The following DSG2 variants were observed in gnomAD, a reference collection of about 807,000 sequenced individuals.
DSG2 encodes desmoglein 2, also known as desmoglein-2.
In DSG2, 45 loss-of-function variants were observed where a neutral mutation model predicts 75.6. That is an observed-to-expected ratio of 0.60 (90% CI 0.47 to 0.76). The LOEUF (loss-of-function observed/expected upper bound fraction) is 0.76, where lower values mean the gene tolerates loss of function less well. Among genes scored for constraint, DSG2 ranks in the 30% least tolerant of loss-of-function variants. The pLI, the probability that DSG2 is intolerant of heterozygous loss-of-function variation, is 0.00. For synonymous variants in DSG2, 429 were observed against 483.9 expected (o/e 0.89, Z 1.49); for missense variants, 1,267 against 1,357.4 (o/e 0.93, Z 1.05).
rs2073250266 is a variant in DSG2 at position 31,539,045 on chromosome 18, T to G, written c.1879+67T>G. 2.1e-6 allele frequency: 3 copies of G among 1,431,108 alleles called. No homozygotes were observed. In the South Asian group the frequency reaches 3.4e-5, roughly 16 times the overall value. The allele number at this position is 1,431,108 out of a possible 1,614,324, so 88.7% of individuals were successfully genotyped here. A position where few individuals can be genotyped will look rare whatever the true frequency, so the allele number is the denominator to read the frequency against. On this transcript the variant is annotated intron_variant, in intron 12 of 14. Transcript: ENST00000261590. ...GAGTGCACTCCTGGAGATGTGTTAC[T>G]ATGGTAGTCATTGATTTCTTCACAG...
At chr18:31,513,148 A>G (rs1177432034) in intron 1 of DSG2, among the ~76,000 whole-genome samples, 1 of 152,248 alleles carries the variant, frequency 6.6e-6, no homozygotes, top group Non-Finnish European at 1.5e-5. Context: ...ACTAGGTTAA[A>G]GAAAAGAATG....
rs1598826629 is a variant in DSG2, at chr18:31,545,971, G to C, written c.2585G>C (p.Ser862Thr). 1 of 1,614,166 alleles carries C rather than the reference G, an allele frequency of 6.2e-7. No individual in the cohort carries two copies. The highest frequency in any genetic ancestry group is 8.5e-7 in the Non-Finnish European group (1 of 1,180,030). Residue 862 changes from serine to threonine, a missense_variant, in exon 15 of 15, where the codon AGT becomes ACT. Coordinates refer to ENST00000261590, the MANE Select transcript of DSG2 (RefSeq NM_001943.5). ...EQRQKPATET[S>T]MNTASHSLCE... ...AGACAAAAACCTGCCACAGAAACAA[G>C]TATGAACACAGCTTCACATTCACTC...
At chr18:31,542,176 A>C in intron 13 of DSG2, 5 of 342,714 alleles carry the variant, frequency 1.5e-5, no homozygotes, top group African/African-American at 2.1e-5. Flanking sequence ...TTGGGTGGCC[A>C]TGGATCCAGG....
In DSG2 at chr18:31,507,089, T is replaced by C. The variant is rs377080179; in HGVS notation, c.45+8793T>C. 5.3e-5 allele frequency among the ~76,000 whole-genome samples: 8 copies of C among 152,224 alleles called. No homozygotes were observed. The East Asian group carries it at 9.7e-4, about 18-fold the overall frequency. ...CTATCCCTCCCCTACCCCCACAGCC[T>C]CAACAGGCCGCAGTGTGTGACGTTC... On this transcript the variant is annotated intron_variant, in intron 1 of 14. Coordinates refer to ENST00000261590, the MANE Select transcript of DSG2 (RefSeq NM_001943.5).
At chr18:31,538,573 T>C (rs936912016) in intron 11 of DSG2, among the ~76,000 whole-genome samples, 178 bp from the exon 12 acceptor site, 31 of 152,312 alleles carry the variant, frequency 2.0e-4, no homozygotes, top group African/African-American at 7.5e-4. Context: ...CTATTTAAAC[T>C]GCATATTCAG....
At chr18:31,542,319 C>T in intron 13 of DSG2, 3 of 630,582 alleles carry the variant, frequency 4.8e-6, no homozygotes, top group Non-Finnish European at 8.4e-6. Context: ...GGGTTCTATC[C>T]ACCTATAAAA....
chr18:31,539,010 T>C (rs765332381), intron 12 of DSG2, 32 bp downstream of exon 12: 1 of 1,601,712 alleles, frequency 6.2e-7, no homozygotes, highest in South Asian at 1.1e-5. Flanking sequence ...TGTTGTGCTT[T>C]TGGGAATCTG....
chr18:31,519,354 A>G lies in DSG2; in HGVS notation c.82-449A>G, dbSNP rs1241807165. Among the ~76,000 whole-genome samples the G allele has an allele frequency of 3.3e-5, 5 of 152,102 alleles. No individual in the cohort carries two copies. In the East Asian group the frequency reaches 9.7e-4, roughly 29 times the overall value. On this transcript the variant is annotated intron_variant, in intron 2 of 14. Transcript: ENST00000261590. ...GGCGGATTGCTTGAGGCTTGAGTCT[A>G]GGAGTTCAAGGCCAGCTTAGGCAAC...
At position 31,524,736 on chromosome 18, in the gene DSG2, G is replaced by C. The variant is rs780374242; in HGVS notation, c.862G>C (p.Val288Leu). Reference protein sequence around the residue: ...EGMVEENQVNVEVTRIKVFDA... With the variant: ...EGMVEENQVNLEVTRIKVFDA... ...GATGGTTGAAGAAAATCAAGTCAACGTAGAAGTTACGCGCATAAAAGTGTT... is the reference window on the plus strand; with the variant it reads ...GATGGTTGAAGAAAATCAAGTCAACCTAGAAGTTACGCGCATAAAAGTGTT... The change falls in exon 8 of 15, where the codon GTA (valine) becomes CTA (leucine). Residue 288 changes from valine to leucine, a missense_variant. Transcript: ENST00000261590. 1.2e-6 allele frequency: 2 copies of C among 1,614,030 alleles called. No homozygotes were observed. Among genetic ancestry groups the C allele is most frequent in the South Asian group, 1.1e-5 (1 of 91,084 alleles).
chr18:31,512,528 C>G (rs1215807604), intron 1 of DSG2, among the ~76,000 whole-genome samples: 1 of 152,226 alleles, frequency 6.6e-6, no homozygotes, highest in Non-Finnish European at 1.5e-5. Flanking sequence ...CACCAGCGAG[C>G]TTTTTCAAAC....
chr18:31,524,385 C>T, intron 6 of DSG2, 63 bp from the exon 7 acceptor site: 1 of 1,611,360 alleles, frequency 6.2e-7, no homozygotes, highest in Non-Finnish European at 8.5e-7. Flanking sequence ...TGGACTAAAA[C>T]CAGAAAGCCA....
chr18:31,522,747 T>G (rs1276329234), intron 6 of DSG2: 1 of 155,566 alleles, frequency 6.4e-6, no homozygotes, highest in Non-Finnish European at 1.4e-5. Context: ...TGCAGTTCTC[T>G]AATGAAACAT....
chr18:31,499,547 A>G (rs899524153), intron 1 of DSG2, among the ~76,000 whole-genome samples: 2 of 152,174 alleles, frequency 1.3e-5, no homozygotes, highest in African/African-American at 4.8e-5. Flanking sequence ...GTAACTTTCA[A>G]TGAAAATTCA....
chr18:31,505,928 C>T (rs917499578), intron 1 of DSG2, among the ~76,000 whole-genome samples: 3 of 152,170 alleles, frequency 2.0e-5, no homozygotes, highest in Non-Finnish European at 2.9e-5. Context: ...GCTGGGATTA[C>T]AGGCGTGAGC....
intron 1 of DSG2, among the ~76,000 whole-genome samples, chr18:31,500,221 C>T (rs1453496214): frequency 6.6e-6 from 1 of 151,972 alleles, no homozygotes; most frequent in Admixed American, 6.5e-5. Context: ...ACTAAACTGA[C>T]TACCTAAGTG....
intron 11 of DSG2, among the ~76,000 whole-genome samples, chr18:31,536,888 C>T (rs1474330068): frequency 6.6e-6 from 1 of 152,210 alleles, no homozygotes; most frequent in Non-Finnish European, 1.5e-5. Context: ...CTTGGTTTAA[C>T]TGGGGGTAAG....
At chr18:31,540,733 C>T (rs1049947860) in intron 12 of DSG2, among the ~76,000 whole-genome samples, 3 of 152,110 alleles carry the variant, frequency 2.0e-5, no homozygotes, top group African/African-American at 7.2e-5. Context: ...TTTGCTTCCT[C>T]CTAGGGGTAA....
Position 31,546,460 on chromosome 18 carries a change from C to G in DSG2, c.3074C>G (p.Pro1025Arg). The G allele has an allele frequency of 6.2e-7, 1 of 1,614,096 alleles. No individual in the cohort carries two copies. Among genetic ancestry groups the G allele is most frequent in the Non-Finnish European group, 8.5e-7 (1 of 1,179,990 alleles). The change falls in exon 15 of 15, where the codon CCC (proline) becomes CGC (arginine). Residue 1025 changes from proline (P) to arginine (R), a missense_variant. Transcript: ENST00000261590. ...MVRERESFLA[P>R]SSGVQPTLAM... The stretch of plus-strand genomic sequence containing the variant: ...AGGGAAAGAGAGAGCTTCCTTGCCC[C>G]CAGCTCAGGTGTGCAGCCTACTCTG...
intron 6 of DSG2, 81 bp from the exon 7 acceptor site, chr18:31,524,367 T>G: frequency 1.3e-6 from 2 of 1,563,444 alleles, no homozygotes; most frequent in Non-Finnish European, 1.8e-6. Context: ...CTGTGGTACG[T>G]GATAAACTGG....
Sources: gnomAD v4.1 joint callset for allele counts (sites outside exome capture counted in the v4.1 genomes callset) on GRCh38, gnomAD v4.1.1 for gene constraint, MANE v1.5 for transcripts, NCBI Gene and HGNC (gene_info 2026-07-23, HGNC 2026-07-21) for gene names.